The following CEP120 variants were observed in gnomAD, a reference collection of about 807,000 sequenced individuals.
CEP120 encodes centrosomal protein 120, also known as centrosomal protein of 120 kDa.
CEP120 carries 113 observed loss-of-function variants against 126.5 expected under a neutral mutation model. The ratio of observed to expected loss-of-function variants is 0.89; its 90% CI spans 0.77 to 1.04. The LOEUF (loss-of-function observed/expected upper bound fraction) is 1.04. Among genes scored for constraint, CEP120 ranks in the 50% least tolerant of loss-of-function variants. The pLI, the probability that CEP120 is intolerant of heterozygous loss-of-function variation, is 0.00. For missense variants in CEP120, 1,230 were observed against 1,155.7 expected (o/e 1.06, Z -0.93); for synonymous variants, 400 against 394.3 (o/e 1.01, Z -0.17).
intron 10 of CEP120, 111 bp from the exon 11 acceptor site, chr5:123,385,244 G>A (rs1771940003): frequency 1.3e-6 from 1 of 753,010 alleles, no homozygotes. Flanking sequence ...TTTGTTACCT[G>A]GAATGTCGTC....
At chr5:123,368,270 G>A (rs1770612856) in intron 17 of CEP120, among the ~76,000 whole-genome samples, 1 of 151,878 alleles carries the variant, frequency 6.6e-6, no homozygotes, top group South Asian at 2.1e-4. Flanking sequence ...TTGATTTCTG[G>A]TCTTTAAATT....
chr5:123,372,612 C>T, intron 17 of CEP120, 38 bp downstream of exon 17: 1 of 1,579,460 alleles, frequency 6.3e-7, no homozygotes, highest in African/African-American at 1.3e-5. Context: ...AAATTAATCA[C>T]TGGGACTAGT....
intron 3 of CEP120, among the ~76,000 whole-genome samples, chr5:123,414,097 AGGACAAGG>A (rs1260108866): frequency 6.6e-6 from 1 of 152,222 alleles, no homozygotes; most frequent in Non-Finnish European, 1.5e-5. Flanking sequence ...ACTGTTCTCA[AGGACAAGG>A]GGACAAAGAA....
intron 14 of CEP120, among the ~76,000 whole-genome samples, chr5:123,380,945 T>G (rs547536780): frequency 3.9e-5 from 6 of 152,126 alleles, no homozygotes; most frequent in Non-Finnish European, 5.9e-5. Context: ...TTCTAAAGAA[T>G]AGAGACTTTG....
In CEP120 at chr5:123,363,075, C is replaced by T. The variant is rs181531558; in HGVS notation, c.2580+1421G>A. ...CCAGAAATGACTTAGAAAACGGGCC[C>T]TCCTCTGTTTTATAAGAACAGCCTA... is the stretch of plus-strand genomic sequence containing the variant. On this transcript the variant is annotated intron_variant, in intron 18 of 19. Transcript: ENST00000306467. 2.0e-4 allele frequency among the ~76,000 whole-genome samples: 30 copies of T among 151,634 alleles called. No individual in the cohort carries two copies. The East Asian group carries it at 5.8e-3, about 30-fold the overall frequency.
At chr5:123,377,709 CATT>C (rs985244945) in intron 15 of CEP120, among the ~76,000 whole-genome samples, 174 bp from the exon 16 acceptor site, 1 of 152,050 alleles carries the variant, frequency 6.6e-6, no homozygotes, top group Non-Finnish European at 1.5e-5. Flanking sequence ...AGTTTTCAAT[CATT>C]GTTTAATACT....
At position 123,377,534 on chromosome 5, in the gene CEP120, A is replaced by C. The variant is rs754378673; in HGVS notation, c.2198T>G (p.Leu733Arg). The C allele has an allele frequency of 6.3e-7, 1 of 1,575,668 alleles. No homozygotes were observed. The highest frequency in any genetic ancestry group is 1.2e-5 in the South Asian group (1 of 83,514). The part of the protein sequence containing the change: ...EQQLASVESE[L>R]QREKKELQSE... ...TTGCAGTTCCTTTTTTTCTCTTTGA[A>C]GCTTAAAACAAAGGCATCTTTAAGA... Residue 733 changes from leucine to arginine, a missense_variant and splice_region_variant, in exon 16 of 20, where the codon CTT (leucine) becomes CGT (arginine). By Grantham distance (102) the Leu-to-Arg change is moderately radical. Transcript: ENST00000306467.
chr5:123,349,360 G>A (rs1769046365), intron 19 of CEP120, among the ~76,000 whole-genome samples: 1 of 151,934 alleles, frequency 6.6e-6, no homozygotes, highest in Non-Finnish European at 1.5e-5. Context: ...AAAAAAAAAG[G>A]GCCGGGCAAT....
intron 5 of CEP120, among the ~76,000 whole-genome samples, chr5:123,396,164 TG>T (rs1772778883): frequency 6.6e-6 from 1 of 152,106 alleles, no homozygotes; most frequent in Non-Finnish European, 1.5e-5. Flanking sequence ...TGTATTTAAT[TG>T]TATAGATATG....
At chr5:123,385,619 G>GTT (rs35110133) in intron 10 of CEP120, among the ~76,000 whole-genome samples, 3 of 140,626 alleles carry the variant, frequency 2.1e-5, no homozygotes, top group Non-Finnish European at 3.1e-5. Context: ...GACTATACCT[G>GTT]TTTTTTTTTT....
At chr5:123,378,762 G>A (rs1305335198) in intron 14 of CEP120, among the ~76,000 whole-genome samples, 1 of 151,998 alleles carries the variant, frequency 6.6e-6, no homozygotes, top group Non-Finnish European at 1.5e-5. Context: ...AATTTGAAAC[G>A]CATATGTAGT....
intron 11 of CEP120, among the ~76,000 whole-genome samples, 195 bp from the exon 12 acceptor site, chr5:123,383,277 C>T (rs1771783625): frequency 6.6e-6 from 1 of 152,172 alleles, no homozygotes; most frequent in African/African-American, 2.4e-5. Flanking sequence ...CACAAACACC[C>T]TGCTAAATAC....
rs577517112 is a variant in CEP120, at chr5:123,414,557, T to C, written c.321+1453A>G. 2.0e-5 allele frequency among the ~76,000 whole-genome samples: 3 copies of C among 152,312 alleles called. No individual in the cohort carries two copies. The South Asian group carries it at 6.2e-4, about 32-fold the overall frequency. On this transcript the variant is annotated intron_variant, in intron 3 of 19. Coordinates refer to ENST00000306467, the MANE Select transcript of CEP120 (RefSeq NM_001375405.1). Reference sequence around the variant, plus strand: ...TTTTAAATAAAAGAGAAGATATTATTTTAATTGTTTAACTTTTTTCCCCCC... The same window carrying C: ...TTTTAAATAAAAGAGAAGATATTATCTTAATTGTTTAACTTTTTTCCCCCC...
intron 19 of CEP120, among the ~76,000 whole-genome samples, chr5:123,347,074 G>C (rs541212784): frequency 6.6e-6 from 1 of 152,052 alleles, no homozygotes; most frequent in Non-Finnish European, 1.5e-5. Context: ...ATCCCAATTT[G>C]AGTAATATTT....
At chr5:123,361,187 A>C (rs1770052255) in intron 18 of CEP120, among the ~76,000 whole-genome samples, 1 of 151,750 alleles carries the variant, frequency 6.6e-6, no homozygotes, top group Admixed American at 6.6e-5. Context: ...TCTACTCTCC[A>C]GTTAAAAACT....
chr5:123,363,068 A>G (rs1235269788), intron 18 of CEP120, among the ~76,000 whole-genome samples: 1 of 151,436 alleles, frequency 6.6e-6, no homozygotes, highest in Non-Finnish European at 1.5e-5. Context: ...GACTTAGAAA[A>G]CGGGCCCTCC....
intron 3 of CEP120, among the ~76,000 whole-genome samples, chr5:123,414,878 G>A (rs534250739): frequency 3.0e-4 from 45 of 149,732 alleles, no homozygotes; most frequent in African/African-American, 4.4e-4. Flanking sequence ...AGGCTGAGGC[G>A]GAAGAATGGC....
In CEP120 at chr5:123,379,377, T is replaced by A. The variant is rs546552335; in HGVS notation, c.2104-949A>T. Among the ~76,000 whole-genome samples, 118 of 152,234 alleles carry A rather than the reference T, an allele frequency of 7.8e-4. 2 individuals carry two copies. Among genetic ancestry groups the A allele is most frequent in the African/African-American group, 2.7e-3 (112 of 41,568 alleles). The stretch of plus-strand genomic sequence containing the variant: ...CTCTATTCTAGCCACTGTACCTCCA[T>A]CAGAATTATTGTTATAGAATGAAAA... On this transcript the variant is annotated intron_variant, in intron 14 of 19. Coordinates refer to ENST00000306467, the MANE Select transcript of CEP120 (RefSeq NM_001375405.1).
Position 123,359,990 on chromosome 5 carries a change from C to T in CEP120, c.2580+4506G>A, listed in dbSNP as rs899177853. On this transcript the variant is annotated intron_variant, in intron 18 of 19. Transcript: ENST00000306467. Reference sequence around the variant, plus strand: ...AAGATATGGCTTTCACCATCTAATCCGTACTACACAAATGTTTTGTATGGC... The same window carrying T: ...AAGATATGGCTTTCACCATCTAATCTGTACTACACAAATGTTTTGTATGGC... 4.6e-5 allele frequency among the ~76,000 whole-genome samples: 7 copies of T among 151,798 alleles called. No individual in the cohort carries two copies. The South Asian group carries it at 8.3e-4, about 18-fold the overall frequency.
Sources: gnomAD v4.1 joint callset for allele counts (sites outside exome capture counted in the v4.1 genomes callset) on GRCh38, gnomAD v4.1.1 for gene constraint, MANE v1.5 for transcripts, NCBI Gene and HGNC (gene_info 2026-07-23, HGNC 2026-07-21) for gene names.